Variants in GRK5 observed in about 807,000 individuals in gnomAD.
GRK5 encodes the protein G protein-coupled receptor kinase 5, also known as g protein-coupled receptor kinase GRK5.
Under a neutral mutation model 78.4 loss-of-function variants are expected in GRK5, and 40 were observed. The ratio of observed to expected loss-of-function variants is 0.51; its 90% confidence interval spans 0.40 to 0.66. The LOEUF is 0.66. GRK5 is among the 30% of genes least tolerant of loss of function. The pLI is 0.00. For synonymous variants in GRK5, 289 were observed against 296.8 expected (o/e 0.97, Z 0.27); for missense variants, 598 against 759.9 (o/e 0.79, Z 2.50).
chr10:119,246,094 T>C (rs935980955), intron 1 of GRK5, among the ~76,000 whole-genome samples: 1 of 151,812 alleles, frequency 6.6e-6, no homozygotes, highest in East Asian at 1.9e-4. Context: ...TTGTGTTTTT[T>C]AAAATCACAA....
At chr10:119,218,589 G>C (rs1242682670) in intron 1 of GRK5, among the ~76,000 whole-genome samples, 1 of 152,178 alleles carries the variant, frequency 6.6e-6, no homozygotes, top group East Asian at 1.9e-4. Flanking sequence ...GGAGGGGCTT[G>C]TTGGGATATG....
chr10:119,448,792 C>T (rs946729065), intron 13 of GRK5, among the ~76,000 whole-genome samples: 1 of 152,304 alleles, frequency 6.6e-6, no homozygotes, highest in African/African-American at 2.4e-5. Context: ...GTCCCCAGGT[C>T]CCCCAGTCGG....
intron 1 of GRK5, among the ~76,000 whole-genome samples, chr10:119,239,752 G>A (rs1227827122): frequency 6.7e-6 from 1 of 148,904 alleles, no homozygotes; most frequent in East Asian, 2.0e-4. Context: ...TTATTGTTCA[G>A]CTCTCACTTA....
At chr10:119,326,942 G>A (rs867416663) in intron 2 of GRK5, among the ~76,000 whole-genome samples, 4 of 152,210 alleles carry the variant, frequency 2.6e-5, no homozygotes, top group African/African-American at 9.6e-5. Context: ...GTTCTGTAAC[G>A]GCCCAAAGTC....
chr10:119,447,122 G>T (rs962585328), intron 12 of GRK5, among the ~76,000 whole-genome samples: 3 of 152,198 alleles, frequency 2.0e-5, no homozygotes, highest in Non-Finnish European at 4.4e-5. Flanking sequence ...TGGTCGTGTG[G>T]CTGGCCATGG....
At chr10:119,314,992 T>C (rs371775127) in intron 1 of GRK5, among the ~76,000 whole-genome samples, 10 of 152,242 alleles carry the variant, frequency 6.6e-5, no homozygotes, top group East Asian at 5.8e-4. Context: ...CCCCACTCCA[T>C]CCCTTCCCTG....
intron 3 of GRK5, among the ~76,000 whole-genome samples, chr10:119,396,308 T>C (rs1305335235): frequency 6.6e-6 from 1 of 152,238 alleles, no homozygotes; most frequent in Non-Finnish European, 1.5e-5. Context: ...ATTTTTCTGG[T>C]AGTTTCCTTT....
chr10:119,239,163 A>G (rs901680915), intron 1 of GRK5, among the ~76,000 whole-genome samples: 1 of 152,018 alleles, frequency 6.6e-6, no homozygotes, highest in African/African-American at 2.4e-5. Flanking sequence ...GGCCTTTCCC[A>G]TGCTGGGGCT....
chr10:119,238,871 A>G lies in GRK5; in HGVS notation c.52+30902A>G, dbSNP rs993615755. ...TTGAAAGGGTCCCTGTTTGGGCAAT[A>G]AAGTTGATGGTTACTCTACCATGAA... On this transcript the variant is annotated intron_variant, in intron 1 of 15. Transcript: ENST00000392870. This position sits in a 1 kb window ranked among gnomAD's most constrained non-coding sequence, Gnocchi z 4.7. Among the ~76,000 whole-genome samples, 4 of 152,142 alleles carry G rather than the reference A, an allele frequency of 2.6e-5. No homozygotes were observed. The highest frequency in any genetic ancestry group is 5.9e-5 in the Non-Finnish European group (4 of 68,026).
intron 1 of GRK5, among the ~76,000 whole-genome samples, chr10:119,285,901 C>G (rs941659194): frequency 3.3e-5 from 5 of 152,094 alleles, no homozygotes; most frequent in African/African-American, 7.2e-5. Context: ...CGTCCTTGGG[C>G]AAGGCTCAGC....
In GRK5 at chr10:119,424,552, C is replaced by T. The variant is rs575004211; in HGVS notation, c.441-441C>T. 8.7e-5 allele frequency among the ~76,000 whole-genome samples: 13 copies of T among 148,656 alleles called. No individual in the cohort carries two copies. The South Asian group carries it at 2.2e-3, about 25-fold the overall frequency. ...TCTGAGGGGCTGTGGCCCCACCCTT[C>T]CCCCAACCACCCACCACCCCTGATT... is the stretch of plus-strand genomic sequence containing the variant. On this transcript the variant is annotated intron_variant, in intron 5 of 15. Transcript: ENST00000392870.
chr10:119,404,668 C>T (rs1852204768), intron 4 of GRK5, among the ~76,000 whole-genome samples: 1 of 152,222 alleles, frequency 6.6e-6, no homozygotes, highest in Non-Finnish European at 1.5e-5. Flanking sequence ...AGCCCCATGA[C>T]CCGGTCTTCC....
At chr10:119,357,810 G>A (rs1478779826) in intron 2 of GRK5, among the ~76,000 whole-genome samples, 1 of 148,452 alleles carries the variant, frequency 6.7e-6, no homozygotes, top group Non-Finnish European at 1.5e-5. Context: ...TATGTCTCTG[G>A]TCTTCTCCAA....
chr10:119,395,391 C>A (rs1337882203), intron 3 of GRK5, among the ~76,000 whole-genome samples: 6 of 152,154 alleles, frequency 3.9e-5, no homozygotes, highest in Admixed American at 3.9e-4. Flanking sequence ...GAATCGGACC[C>A]TAGACACTGA....
At chr10:119,275,906 G>A (rs1163588140) in intron 1 of GRK5, among the ~76,000 whole-genome samples, 1 of 152,208 alleles carries the variant, frequency 6.6e-6, no homozygotes, top group Non-Finnish European at 1.5e-5. Context: ...GTCTCGCTAA[G>A]CAATACTGCA....
chr10:119,298,940 T>G (rs973411439), intron 1 of GRK5, among the ~76,000 whole-genome samples: 1 of 152,066 alleles, frequency 6.6e-6, no homozygotes, highest in African/African-American at 2.4e-5. Flanking sequence ...TTCCCCATGC[T>G]CCCTGCGGTG....
intron 2 of GRK5, among the ~76,000 whole-genome samples, chr10:119,339,966 G>GCTA (rs1850956628): frequency 1.3e-5 from 2 of 152,196 alleles, no homozygotes; most frequent in Non-Finnish European, 2.9e-5. Context: ...AGGGGCATGA[G>GCTA]CTACTGTTGG....
intron 2 of GRK5, among the ~76,000 whole-genome samples, chr10:119,373,265 G>A (rs765844257): frequency 6.6e-6 from 1 of 152,216 alleles, no homozygotes; most frequent in African/African-American, 2.4e-5. Context: ...GGCCCTACCA[G>A]TGGAATTCTG....
At chr10:119,346,004 G>C (rs942138539) in intron 2 of GRK5, among the ~76,000 whole-genome samples, 3 of 142,894 alleles carry the variant, frequency 2.1e-5, no homozygotes, top group African/African-American at 5.3e-5. Context: ...CCTCCCCCAA[G>C]GCCCTAGAGC....
Sources: gnomAD v4.1 joint callset for allele counts (sites outside exome capture counted in the v4.1 genomes callset) on GRCh38, gnomAD v4.1.1 for gene constraint, Gnocchi (gnomAD v3.1) non-coding constraint, MANE v1.5 for transcripts, NCBI Gene and HGNC (gene_info 2026-07-23, HGNC 2026-07-21) for gene names.